The following EPS15 variants were observed in gnomAD, a reference collection of about 807,000 sequenced individuals.
The protein encoded by EPS15 is epidermal growth factor receptor pathway substrate 15.
A neutral mutation model predicts 113.8 loss-of-function variants in EPS15; 72 were observed. That is an observed-to-expected ratio of 0.63 (90% confidence interval 0.52 to 0.77). The LOEUF is 0.77. Among genes scored for constraint, EPS15 ranks in the 30% least tolerant of loss-of-function variants. The probability of loss-of-function intolerance (pLI) is 0.00; values close to 1 mark genes in which losing one functional copy is unlikely to be tolerated. For synonymous variants in EPS15, 344 were observed against 363.4 expected (o/e 0.95, Z 0.61); for missense variants, 1,048 against 1,045.8 (o/e 1.00, Z -0.03).
At chr1:51,458,519 CTA>C in intron 8 of EPS15, 1 of 443,378 alleles carries the variant, frequency 2.3e-6, no homozygotes, top group Non-Finnish European at 4.5e-6. Flanking sequence ...AGTGGATCAC[CTA>C]TTATCAGGAG....
chr1:51,386,693 G>A (rs911564926), intron 21 of EPS15, among the ~76,000 whole-genome samples: 2 of 152,202 alleles, frequency 1.3e-5, no homozygotes, highest in African/African-American at 4.8e-5. Context: ...AGCAGCCAAT[G>A]CGATCAACTG....
At chr1:51,473,132 T>C (rs1655363569) in intron 2 of EPS15, among the ~76,000 whole-genome samples, 184 bp from the exon 3 acceptor site, 1 of 152,226 alleles carries the variant, frequency 6.6e-6, no homozygotes, top group East Asian at 1.9e-4. Flanking sequence ...TAGACAGCAC[T>C]GGCAATTTAC....
chr1:51,492,718 AC>A (rs200952520), intron 1 of EPS15, among the ~76,000 whole-genome samples: 34 of 152,238 alleles, frequency 2.2e-4, no homozygotes, highest in African/African-American at 8.2e-4. Context: ...AAACAAACAA[AC>A]AAAAAAAACA....
chr1:51,356,882 TA>T, intron 24 of EPS15, 36 bp from the exon 25 acceptor site: 2 of 1,575,040 alleles, frequency 1.3e-6, no homozygotes, highest in South Asian at 2.3e-5. Context: ...AACGAATAAA[TA>T]AATGAGTAAA....
Position 51,472,891 on chromosome 1 carries a change from T to C in EPS15, c.133A>G (p.Lys45Glu). 1 of 1,613,794 alleles carries C rather than the reference T, an allele frequency of 6.2e-7. No individual in the cohort carries two copies. Among genetic ancestry groups the C allele is most frequent in the Non-Finnish European group, 8.5e-7 (1 of 1,179,714 alleles). ...AGTATCAAGTCTGGAAGCCCTGATTTTTTCAGGAAAGCAGCAGCATCAGAA... is the reference window on the plus strand; with the variant it reads ...AGTATCAAGTCTGGAAGCCCTGATTCTTTCAGGAAAGCAGCAGCATCAGAA... Reference protein sequence around the residue: ...LASDAAAFLKKSGLPDLILGK... With the variant: ...LASDAAAFLKESGLPDLILGK... The change falls in exon 3 of 25, where the codon AAA becomes GAA. Residue 45 changes from lysine (K) to glutamate (E), a missense_variant. Coordinates refer to ENST00000371733, the MANE Select transcript of EPS15 (RefSeq NM_001981.3).
At chr1:51,431,451 C>T (rs1033117855) in intron 12 of EPS15, among the ~76,000 whole-genome samples, 3 of 144,712 alleles carry the variant, frequency 2.1e-5, no homozygotes, top group East Asian at 4.0e-4. Flanking sequence ...AATTTCTTTT[C>T]TTTTTTTTTT....
At chr1:51,497,975 C>T (rs1268458700) in intron 1 of EPS15, among the ~76,000 whole-genome samples, 1 of 71,608 alleles carries the variant, frequency 1.4e-5, no homozygotes, top group Non-Finnish European at 2.8e-5. Context: ...GACCCCGTCT[C>T]AAAAAAAAAA....
intron 21 of EPS15, among the ~76,000 whole-genome samples, chr1:51,377,843 T>C (rs1000395914): frequency 2.6e-5 from 4 of 152,026 alleles, no homozygotes; most frequent in African/African-American, 9.6e-5. Flanking sequence ...CGAGGCAAGA[T>C]TCTCCACCAC....
intron 8 of EPS15, among the ~76,000 whole-genome samples, chr1:51,455,585 AAAAAG>A (rs1304345451): frequency 6.6e-6 from 1 of 152,154 alleles, no homozygotes; most frequent in Non-Finnish European, 1.5e-5. Context: ...CTCTCAAAAA[AAAAAG>A]AAAAGAAAGA....
chr1:51,365,493 T>C (rs777416898), intron 22 of EPS15, among the ~76,000 whole-genome samples: 13 of 152,108 alleles, frequency 8.5e-5, no homozygotes, highest in Admixed American at 7.2e-4. Context: ...ACAGCCACAG[T>C]GGAAAGTAAA....
intron 16 of EPS15, among the ~76,000 whole-genome samples, chr1:51,404,019 C>T (rs1277489607): frequency 6.6e-6 from 1 of 152,162 alleles, no homozygotes; most frequent in Non-Finnish European, 1.5e-5. Context: ...CCATTGTCTT[C>T]TTCATTTAGA....
At chr1:51,507,516 G>A (rs969689992) in intron 1 of EPS15, among the ~76,000 whole-genome samples, 4 of 151,490 alleles carry the variant, frequency 2.6e-5, no homozygotes, top group African/African-American at 4.9e-5. Flanking sequence ...CAAAAATTGG[G>A]CAGGTATGGT....
At chr1:51,519,056 T>A in intron 1 of EPS15, 143 bp downstream of exon 1, 5 of 464,740 alleles carry the variant, frequency 1.1e-5, no homozygotes, top group Non-Finnish European at 1.8e-5. Flanking sequence ...TCGCACCCGC[T>A]TTCCCTCACA....
chr1:51,409,397 A>G, intron 14 of EPS15, 138 bp downstream of exon 14: 1 of 707,742 alleles, frequency 1.4e-6, no homozygotes, highest in Non-Finnish European at 2.3e-6. Flanking sequence ...ACCTTGCTCC[A>G]TCGCCCCCAT....
At chr1:51,409,029 G>A (rs1253933619) in intron 14 of EPS15, among the ~76,000 whole-genome samples, 4 of 152,098 alleles carry the variant, frequency 2.6e-5, no homozygotes, top group South Asian at 4.2e-4. Context: ...TTCGTGATCC[G>A]CCTGCCTCGG....
intron 14 of EPS15, among the ~76,000 whole-genome samples, chr1:51,409,315 C>G (rs7544977): frequency 0.022 from 3,333 of 152,166 alleles, 32 homozygotes; most frequent in Middle Eastern, 0.034. Flanking sequence ...ATATTTCCAA[C>G]AAAAATTTGG....
At chr1:51,423,247 G>C in intron 12 of EPS15, 2 of 1,288,922 alleles carry the variant, frequency 1.6e-6, no homozygotes, top group Non-Finnish European at 2.0e-6. Context: ...GCGATGTTGT[G>C]ATTTTAAACA....
At chr1:51,496,182 A>T (rs1044638546) in intron 1 of EPS15, among the ~76,000 whole-genome samples, 5 of 152,334 alleles carry the variant, frequency 3.3e-5, no homozygotes, top group South Asian at 4.1e-4. Context: ...AAATGAGGAA[A>T]ATAAGACATT....
chr1:51,487,734 TAGG>T (rs984211946), intron 1 of EPS15, among the ~76,000 whole-genome samples: 50 of 152,154 alleles, frequency 3.3e-4, no homozygotes, highest in African/African-American at 1.2e-3. Context: ...CCTAAACACA[TAGG>T]AGAAGATATT....
Sources: allele counts gnomAD v4.1 joint callset (sites outside exome capture counted in the v4.1 genomes callset), GRCh38; gene constraint gnomAD v4.1.1; transcripts MANE v1.5; gene names NCBI Gene and HGNC (gene_info 2026-07-23, HGNC 2026-07-21).